Variants in POR observed in about 807,000 individuals in gnomAD.
POR encodes NADPH--cytochrome P450 reductase.
Under a neutral mutation model 84.0 loss-of-function variants are expected in POR, and 56 were observed. The ratio of observed to expected loss-of-function variants is 0.67; its 90% CI spans 0.54 to 0.83. The LOEUF is 0.83. POR is among the 40% of genes least tolerant of loss of function. The pLI is 0.00. For missense variants in POR, 938 were observed against 944.3 expected, an observed-to-expected ratio of 0.99 and a Z score of 0.09; for synonymous variants, 414 against 400.5, an observed-to-expected ratio of 1.03 and a Z score of -0.40.
chr7:75,975,711 A>G (rs1554556722), intron 3 of POR, among the ~76,000 whole-genome samples: 1 of 151,226 alleles, frequency 6.6e-6, no homozygotes, highest in Non-Finnish European at 1.5e-5. Flanking sequence ...AGCATATGTT[A>G]GTACTTCCTT....
At chr7:75,927,828 A>G (rs10278227) in intron 1 of POR, among the ~76,000 whole-genome samples, 132,458 of 151,442 alleles carry the variant, frequency 0.87, 58,546 homozygotes, top group African/African-American at 0.97. Context: ...CCACCACCAC[A>G]CCCAGCTAAT....
At position 75,985,829 on chromosome 7, in the gene POR, G is replaced by T; in HGVS notation, c.1649G>T (p.Arg550Leu). 6.4e-7 allele frequency: 1 copy of T among 1,552,044 alleles called. No individual in the cohort carries two copies. The highest frequency in any genetic ancestry group is 8.7e-7 in the Non-Finnish European group (1 of 1,145,384). ...CCCTTCATAGGCTTCATCCAGGAGC[G>T]GGCCTGGCTGCGACAGCAGGGTGAG... Residue 550 changes from arginine to leucine, a missense_variant, in exon 13 of 16, where the codon CGG (arginine) becomes CTG (leucine). By Grantham distance (102) the Arg-to-Leu change is moderately radical (BLOSUM62 -2). Transcript: ENST00000461988.
Position 75,982,337 on chromosome 7 carries a change from C to A in POR, c.830+15C>A. On this transcript the variant is annotated intron_variant, in intron 8 of 15. Transcript: ENST00000461988. ...AACCAGAAGCCGTGAGTGGAGGGAGCGTGGCTTGGGGCAGACGGCTCTATG... is the reference window on the plus strand; with the variant it reads ...AACCAGAAGCCGTGAGTGGAGGGAGAGTGGCTTGGGGCAGACGGCTCTATG... 1 of 1,600,846 alleles carries A rather than the reference C, an allele frequency of 6.2e-7. No homozygotes were observed. Among genetic ancestry groups the A allele is most frequent in the East Asian group, 2.3e-5 (1 of 44,342 alleles).
At chr7:75,923,433 G>A (rs1247292765) in intron 1 of POR, 9 of 592,962 alleles carry the variant, frequency 1.5e-5, no homozygotes, top group Admixed American at 2.8e-5. Context: ...CAGCTCATCC[G>A]CCAGCTGAAC....
Position 75,952,143 on chromosome 7 carries a change from A to AC in POR, c.-4-1839dup, listed in dbSNP as rs550716145. On this transcript the variant is annotated intron_variant, in intron 1 of 15. Coordinates refer to ENST00000461988, the MANE Select transcript of POR (RefSeq NM_000941.3). Reference sequence around the variant, plus strand: ...GGGCAGCTGGCCGGGCGGGGGGCTGACCCCCCCACCTCCCTCCCGGACGGG... The same window carrying AC: ...GGGCAGCTGGCCGGGCGGGGGGCTGACCCCCCCCACCTCCCTCCCGGACGGG... Among the ~76,000 whole-genome samples, 250 of 38,196 alleles carry AC rather than the reference A, an allele frequency of 6.5e-3. 54 individuals carry two copies. The highest frequency in any genetic ancestry group is 0.022 in the South Asian group (18 of 826). 25.1% of individuals were successfully genotyped at this position (38,196 alleles called of 152,430 possible). A position where few individuals can be genotyped will look rare whatever the true frequency, so the allele number is the denominator to read the frequency against.
intron 1 of POR, among the ~76,000 whole-genome samples, chr7:75,950,172 T>C (rs239953): frequency 0.87 from 133,139 of 152,214 alleles, 58,828 homozygotes; most frequent in African/African-American, 0.97. Flanking sequence ...GCCCGGACGA[T>C]CTGACTTACT....
chr7:75,935,989 T>C (rs781952846), intron 1 of POR, among the ~76,000 whole-genome samples: 2 of 151,916 alleles, frequency 1.3e-5, no homozygotes, highest in African/African-American at 4.8e-5. Context: ...GCCTCTCCCT[T>C]TGGCAGTTTT....
intron 1 of POR, among the ~76,000 whole-genome samples, chr7:75,927,328 A>T (rs1807178320): frequency 6.6e-6 from 1 of 152,090 alleles, no homozygotes. Context: ...CAACATGGCG[A>T]AACCCCGTAT....
At chr7:75,922,253 G>A (rs1353271569) in intron 1 of POR, among the ~76,000 whole-genome samples, 1 of 150,738 alleles carries the variant, frequency 6.6e-6, no homozygotes, top group Non-Finnish European at 1.5e-5. Flanking sequence ...TGTCCCCCAA[G>A]TTTACTGCTG....
intron 1 of POR, among the ~76,000 whole-genome samples, chr7:75,951,170 A>G (rs1370476537): frequency 1.3e-5 from 2 of 150,580 alleles, no homozygotes; most frequent in African/African-American, 4.9e-5. Flanking sequence ...CGAAGCAGGC[A>G]GATCACCTGA....
At chr7:75,916,709 C>A (rs1425365265) in intron 1 of POR, among the ~76,000 whole-genome samples, 1 of 152,146 alleles carries the variant, frequency 6.6e-6, no homozygotes, top group Non-Finnish European at 1.5e-5. Flanking sequence ...CAAAATTCTT[C>A]AGGTCTAGCA....
chr7:75,985,563 A>T lies in POR; in HGVS notation c.1399-16A>T, dbSNP rs1789387929. On this transcript the variant is annotated splice_polypyrimidine_tract_variant and intron_variant, in intron 12 of 15. Coordinates refer to ENST00000461988, the MANE Select transcript of POR (RefSeq NM_000941.3). ...GCCTCGGTGTGGCGGTGGAGCTCAC[A>T]CGGCCCTCCCCACAGGTCCACCCCA... 4 of 1,516,814 alleles carry T rather than the reference A, an allele frequency of 2.6e-6. No individual in the cohort carries two copies. In the South Asian group the frequency reaches 5.3e-5, roughly 20 times the overall value. 94.0% of individuals were successfully genotyped at this position (1,516,814 alleles called of 1,614,324 possible).
In POR at chr7:75,925,440, G is replaced by A. The variant is rs1027855952; in HGVS notation, c.-5+10261G>A. ...CTCAAGAGGCTGAAGCAGGACGATC[G>A]CTTGAGCCTGAGAGTTCAAGGCTGT... On this transcript the variant is annotated intron_variant, in intron 1 of 15. Transcript: ENST00000461988. 2.0e-5 allele frequency among the ~76,000 whole-genome samples: 3 copies of A among 152,176 alleles called. No homozygotes were observed. In the East Asian group the frequency reaches 5.8e-4, roughly 29 times the overall value.
chr7:75,932,566 A>G (rs1402442549), intron 1 of POR, among the ~76,000 whole-genome samples: 1 of 150,298 alleles, frequency 6.7e-6, no homozygotes, highest in East Asian at 1.9e-4. Context: ...TGACTTTTTT[A>G]AAAACAGTTT....
intron 1 of POR, among the ~76,000 whole-genome samples, chr7:75,919,767 G>A (rs1806762117): frequency 6.6e-6 from 1 of 152,084 alleles, no homozygotes; most frequent in Non-Finnish European, 1.5e-5. Context: ...CAAAGCCCCG[G>A]GGAACCTGAT....
intron 2 of POR, among the ~76,000 whole-genome samples, chr7:75,954,931 C>T (rs1787618654): frequency 6.6e-6 from 1 of 152,142 alleles, no homozygotes; most frequent in African/African-American, 2.4e-5. Flanking sequence ...TGGTCTCAAA[C>T]TCCTGACCTC....
At chr7:75,920,372 A>T (rs965380202) in intron 1 of POR, among the ~76,000 whole-genome samples, 18 of 152,160 alleles carry the variant, frequency 1.2e-4, no homozygotes, top group African/African-American at 3.6e-4. Flanking sequence ...TGTCCAGCTT[A>T]TAAGAATTGA....
chr7:75,968,445 A>G (rs1554555682), intron 2 of POR, among the ~76,000 whole-genome samples: 1 of 152,196 alleles, frequency 6.6e-6, no homozygotes, highest in Non-Finnish European at 1.5e-5. Context: ...TTCTCTGCCT[A>G]TAAATAATCA....
At position 75,972,812 on chromosome 7, in the gene POR, C is replaced by T. The variant is rs1470468500; in HGVS notation, c.237+351C>T. ...CGTGGCACCACTGCCATTTTCTCTC[C>T]GCTTTGTTTTTGTTACTTTTTTTTT... On this transcript the variant is annotated intron_variant, in intron 3 of 15. Transcript: ENST00000461988. The T allele has an allele frequency of 1.2e-4, 40 of 330,116 alleles. No homozygotes were observed. In the East Asian group the frequency reaches 2.2e-3, roughly 18 times the overall value. 20.4% of individuals were successfully genotyped at this position (330,116 alleles called of 1,614,324 possible).
Sources: allele counts gnomAD v4.1 joint callset (sites outside exome capture counted in the v4.1 genomes callset), GRCh38; gene constraint gnomAD v4.1.1; transcripts MANE v1.5; gene names NCBI Gene and HGNC (gene_info 2026-07-23, HGNC 2026-07-21).